Variants in C5orf52 observed in about 807,000 individuals in gnomAD.
C5orf52 encodes chromosome 5 open reading frame 52.
In C5orf52, 15 loss-of-function variants were observed where a neutral mutation model predicts 16.8. The observed-to-expected ratio is 0.89, with a 90% CI of 0.60 to 1.38. The LOEUF (loss-of-function observed/expected upper bound fraction) is 1.38, where lower values mean the gene tolerates loss of function less well. Ranked by LOEUF, C5orf52 falls within the 40% of genes most tolerant of loss-of-function variation. The pLI is 0.00. For missense variants in C5orf52, 206 were observed against 213.1 expected, an observed-to-expected ratio of 0.97 and a Z score of 0.21; for synonymous variants, 83 against 87.2, an observed-to-expected ratio of 0.95 and a Z score of 0.27.
At chr5:157,673,890 C>T (rs1581415345) in intron 1 of C5orf52, among the ~76,000 whole-genome samples, 2 of 152,296 alleles carry the variant, frequency 1.3e-5, no homozygotes, top group South Asian at 4.1e-4. Flanking sequence ...AAGTGATTCG[C>T]CTGCTTCAGC....
chr5:157,678,722 A>T (rs1386963527), intron 2 of C5orf52, among the ~76,000 whole-genome samples: 1 of 152,024 alleles, frequency 6.6e-6, no homozygotes, highest in Non-Finnish European at 1.5e-5. Flanking sequence ...TGGCCCCCCA[A>T]AGTGCTGGGA....
chr5:157,677,650 C>T (rs1331246147), intron 2 of C5orf52, among the ~76,000 whole-genome samples: 1 of 105,404 alleles, frequency 9.5e-6, no homozygotes, highest in Non-Finnish European at 1.8e-5. Flanking sequence ...GTGAAACTCC[C>T]TCTCAAAAAA....
intron 2 of C5orf52, among the ~76,000 whole-genome samples, chr5:157,679,126 T>A (rs2113867792): frequency 6.6e-6 from 1 of 151,046 alleles, no homozygotes; most frequent in Admixed American, 6.6e-5. Context: ...AGTGCGAGAC[T>A]CCATCTCAAA....
In C5orf52 at chr5:157,679,824, C is replaced by T; in HGVS notation, c.322-17C>T. On this transcript the variant is annotated splice_polypyrimidine_tract_variant and intron_variant, in intron 2 of 2. Transcript: ENST00000409999. The stretch of plus-strand genomic sequence containing the variant: ...CTTTAGGATCTTGATCCTAACCTCA[C>T]CTCTGTTTTTTGTAAGGTGAGCGCT... 1 of 1,544,626 alleles carries T rather than the reference C, an allele frequency of 6.5e-7. No individual in the cohort carries two copies. The highest frequency in any genetic ancestry group is 8.7e-7 in the Non-Finnish European group (1 of 1,144,716).
Position 157,673,594 on chromosome 5 carries a change from C to T in C5orf52, c.213-1498C>T, listed in dbSNP as rs183851768. Among the ~76,000 whole-genome samples the T allele has an allele frequency of 5.3e-5, 8 of 152,074 alleles. No homozygotes were observed. In the East Asian group the frequency reaches 1.4e-3, roughly 26 times the overall value. ...ACATGTATTTTATTTTATGACATAC[C>T]AAAATTTATTCAATATTGTACATTT... On this transcript the variant is annotated intron_variant, in intron 1 of 2. Transcript: ENST00000409999.
intron 2 of C5orf52, among the ~76,000 whole-genome samples, chr5:157,679,490 C>A (rs1246249141): frequency 6.6e-6 from 1 of 152,114 alleles, no homozygotes. Context: ...GTGCCTACCA[C>A]CATGCTTGGC....
At position 157,677,393 on chromosome 5, in the gene C5orf52, G is replaced by C. The variant is rs74784510; in HGVS notation, c.321+2193G>C. ...TGTACTAGAAAATGGTGGTAAGCCAGGGTGGTGGCTCACGCACTTTGGAAG... is the reference window on the plus strand; with the variant it reads ...TGTACTAGAAAATGGTGGTAAGCCACGGTGGTGGCTCACGCACTTTGGAAG... On this transcript the variant is annotated intron_variant, in intron 2 of 2. Transcript: ENST00000409999. 5.4e-3 allele frequency among the ~76,000 whole-genome samples: 818 copies of C among 152,230 alleles called. 6 individuals are homozygous for C. The highest frequency in any genetic ancestry group is 0.019 in the African/African-American group (786 of 41,550).
chr5:157,679,333 A>G (rs1326515257), intron 2 of C5orf52, among the ~76,000 whole-genome samples: 1 of 151,994 alleles, frequency 6.6e-6, no homozygotes, highest in Non-Finnish European at 1.5e-5. Flanking sequence ...ATACAATAGA[A>G]GAAATAAGTA....
At chr5:157,677,665 A>AAAAAG (rs1238222449) in intron 2 of C5orf52, among the ~76,000 whole-genome samples, 9 of 142,450 alleles carry the variant, frequency 6.3e-5, no homozygotes, top group Non-Finnish European at 1.0e-4. Flanking sequence ...AAAAAAAAAA[A>AAAAAG]AAAAGAAAAG....
chr5:157,676,852 T>C (rs1327275266), intron 2 of C5orf52, among the ~76,000 whole-genome samples: 1 of 120,506 alleles, frequency 8.3e-6, no homozygotes, highest in African/African-American at 4.9e-5. Flanking sequence ...ATCCCCTTTT[T>C]TTAATTTCCT....
At chr5:157,672,433 A>G (rs1198837989) in intron 1 of C5orf52, among the ~76,000 whole-genome samples, 1 of 152,104 alleles carries the variant, frequency 6.6e-6, no homozygotes, top group African/African-American at 2.4e-5. Context: ...TTGAAAGGGA[A>G]TATTTCCAGT....
intron 1 of C5orf52, 55 bp from the exon 2 acceptor site, chr5:157,675,037 C>CTG (rs752388538): frequency 5.4e-5 from 66 of 1,216,766 alleles, no homozygotes; most frequent in Non-Finnish European, 7.3e-5. Flanking sequence ...CAAATGTGCT[C>CTG]TGGCCCAGGC....
chr5:157,678,307 GA>G (rs1467126667), intron 2 of C5orf52, among the ~76,000 whole-genome samples: 1 of 152,160 alleles, frequency 6.6e-6, no homozygotes, highest in African/African-American at 2.4e-5. Context: ...TAGGTCTTCA[GA>G]TAATGTTAGT....
intron 1 of C5orf52, among the ~76,000 whole-genome samples, chr5:157,673,942 G>A (rs1342029604): frequency 3.3e-5 from 5 of 152,024 alleles, no homozygotes; most frequent in African/African-American, 1.2e-4. Flanking sequence ...CAACTTGCCC[G>A]GTCCTGAACA....
upstream of C5orf52, chr5:157,671,220 C>T (rs1260396751): frequency 9.8e-6 from 2 of 203,260 alleles, no homozygotes; most frequent in Non-Finnish European, 2.0e-5. Flanking sequence ...CAGACCTCAG[C>T]TCCATGCCGC....
chr5:157,675,201 G>C lies in C5orf52; in HGVS notation c.321+1G>C. 1 of 1,517,922 alleles carries C rather than the reference G, an allele frequency of 6.6e-7. No individual in the cohort carries two copies. 94.0% of individuals were successfully genotyped at this position (1,517,922 alleles called of 1,614,324 possible). A position where few individuals can be genotyped will look rare whatever the true frequency, so the allele number is the denominator to read the frequency against. ...CACACAACGAATCTATGAGATGGAGGTAAAGTAGCCACAAGCTTTTGCATT... is the reference window on the plus strand; with the variant it reads ...CACACAACGAATCTATGAGATGGAGCTAAAGTAGCCACAAGCTTTTGCATT... On this transcript the variant is annotated splice_donor_variant, in intron 2 of 2. Transcript: ENST00000409999. LOFTEE classifies it high-confidence loss of function.
At chr5:157,678,706 CT>C (rs1759953457) in intron 2 of C5orf52, among the ~76,000 whole-genome samples, 1 of 152,150 alleles carries the variant, frequency 6.6e-6, no homozygotes, top group Admixed American at 6.5e-5. Flanking sequence ...AGTGAGCCAC[CT>C]GCCTTGGCCC....
chr5:157,674,168 C>G (rs1158753573), intron 1 of C5orf52, among the ~76,000 whole-genome samples: 1 of 151,876 alleles, frequency 6.6e-6, no homozygotes, highest in African/African-American at 2.4e-5. Context: ...CTTTCAGAGT[C>G]TCCTAAAACC....
At chr5:157,678,624 GT>G (rs975998261) in intron 2 of C5orf52, among the ~76,000 whole-genome samples, 2 of 151,862 alleles carry the variant, frequency 1.3e-5, no homozygotes, top group Non-Finnish European at 2.9e-5. Flanking sequence ...ACCCAGCTAG[GT>G]TTTTTTTGTA....
Sources: allele counts gnomAD v4.1 joint callset (sites outside exome capture counted in the v4.1 genomes callset), GRCh38; gene constraint gnomAD v4.1.1; transcripts MANE v1.5; gene names NCBI Gene and HGNC (gene_info 2026-07-23, HGNC 2026-07-21).